The following LAMA1 variants were observed in gnomAD, a reference collection of about 807,000 sequenced individuals.
The protein encoded by LAMA1 is laminin subunit alpha-1.
Under a neutral mutation model 348.7 loss-of-function variants are expected in LAMA1, and 219 were observed. The ratio of observed to expected loss-of-function variants is 0.63; its 90% CI spans 0.56 to 0.70. LAMA1 has a LOEUF of 0.70. LAMA1 is among the 30% of genes least tolerant of loss of function. The pLI, the probability that LAMA1 is intolerant of heterozygous loss-of-function variation, is 0.00. For missense variants in LAMA1, 3,744 were observed against 3,888.0 expected (o/e 0.96, Z 0.99); for synonymous variants, 1,487 against 1,491.0 (o/e 1.00, Z 0.06).
At chr18:7,023,600 C>A (rs1023416968) in intron 18 of LAMA1, among the ~76,000 whole-genome samples, 1 of 152,038 alleles carries the variant, frequency 6.6e-6, no homozygotes, top group Non-Finnish European at 1.5e-5. Context: ...GGGACATGCA[C>A]CTGTTTCCAG....
At chr18:6,954,989 T>C (rs2057568478) in intron 57 of LAMA1, 1 of 351,016 alleles carries the variant, frequency 2.8e-6, no homozygotes, top group East Asian at 7.4e-5. Context: ...GTGTAAGAGT[T>C]TGGGTAGACA....
At chr18:7,109,090 G>A (rs2058325638) in intron 1 of LAMA1, among the ~76,000 whole-genome samples, 1 of 152,168 alleles carries the variant, frequency 6.6e-6, no homozygotes, top group Non-Finnish European at 1.5e-5. Context: ...ACAGATTTTG[G>A]TTCCTACCCA....
At position 6,961,751 on chromosome 18, in the gene LAMA1, C is replaced by T. The variant is rs748849992; in HGVS notation, c.7461G>A (p.Arg2487=). 9 of 1,614,008 alleles carry T rather than the reference C, an allele frequency of 5.6e-6. No individual in the cohort carries two copies. In the Admixed American group the frequency reaches 1.5e-4, roughly 27 times the overall value. Residue 2487 remains arginine, a synonymous_variant, in exon 53 of 63, where the codon CGG becomes CGA. Coordinates refer to ENST00000389658, the MANE Select transcript of LAMA1 (RefSeq NM_005559.4). ...VRKGCLLEPI[R]SVSFLKGGYI... is the part of the protein sequence containing the mutation. ...AGCCGCCTTTCAGGAAGCTAACACT[C>T]CGGATGGGCTGGACACAGAGGAGAT...
At chr18:6,995,316 G>A in intron 34 of LAMA1, 41 bp downstream of exon 34, 3 of 1,375,594 alleles carry the variant, frequency 2.2e-6, no homozygotes, top group African/African-American at 1.4e-5. Flanking sequence ...GCTGATGGGA[G>A]GGACCAGGAG....
intron 29 of LAMA1, among the ~76,000 whole-genome samples, chr18:7,004,973 G>A (rs1374163880): frequency 2.6e-5 from 4 of 152,188 alleles, no homozygotes; most frequent in Non-Finnish European, 5.9e-5. Context: ...ACCCTGTCCA[G>A]GCTGGGCCAT....
chr18:7,007,394 C>T (rs752427530), intron 28 of LAMA1, 118 bp from the exon 29 acceptor site: 24 of 935,184 alleles, frequency 2.6e-5, no homozygotes, highest in Non-Finnish European at 3.3e-5. Flanking sequence ...AAAAGAAGTT[C>T]GACATCTCTA....
At chr18:7,009,458 C>G (rs567589790) in intron 26 of LAMA1, 92 bp from the exon 27 acceptor site, 1 of 1,404,942 alleles carries the variant, frequency 7.1e-7, no homozygotes, top group South Asian at 1.2e-5. Context: ...ATAAATTTCT[C>G]CAGAAATGAG....
rs369292973 is a variant in LAMA1 at position 6,981,160 on chromosome 18, A to C, written c.5891-523T>G. Reference sequence around the variant, plus strand: ...TCTAGCTTGCTCGATCATTTTCTCTACTTTGCTTGTTGACTTTTTCACTAA... The same window carrying C: ...TCTAGCTTGCTCGATCATTTTCTCTCCTTTGCTTGTTGACTTTTTCACTAA... On this transcript the variant is annotated intron_variant, in intron 41 of 62. Coordinates refer to ENST00000389658, the MANE Select transcript of LAMA1 (RefSeq NM_005559.4). 3.3e-5 allele frequency among the ~76,000 whole-genome samples: 5 copies of C among 152,150 alleles called. No homozygotes were observed. In the East Asian group the frequency reaches 5.8e-4, roughly 18 times the overall value.
intron 19 of LAMA1, 46 bp from the exon 20 acceptor site, chr18:7,017,430 T>G: frequency 7.3e-7 from 1 of 1,370,252 alleles, no homozygotes; most frequent in Non-Finnish European, 1.0e-6. Context: ...CTTCTGAGGA[T>G]GGTTATCATA....
chr18:7,009,149 T>G, intron 27 of LAMA1, 90 bp downstream of exon 27: 1 of 1,371,304 alleles, frequency 7.3e-7, no homozygotes, highest in South Asian at 1.2e-5. Flanking sequence ...TTAATAAAAA[T>G]AGTAGGTAAT....
chr18:7,068,353 C>T (rs2058131917), intron 3 of LAMA1, among the ~76,000 whole-genome samples: 1 of 152,256 alleles, frequency 6.6e-6, no homozygotes, highest in South Asian at 2.1e-4. Context: ...ACTGAAGGAA[C>T]CGCCCATGTG....
At chr18:7,074,320 C>T (rs902436738) in intron 3 of LAMA1, among the ~76,000 whole-genome samples, 11 of 152,130 alleles carry the variant, frequency 7.2e-5, no homozygotes, top group African/African-American at 2.2e-4. Flanking sequence ...TGAATAATGA[C>T]GATGAACATC....
intron 1 of LAMA1, among the ~76,000 whole-genome samples, chr18:7,097,242 T>A (rs1004499396): frequency 1.3e-4 from 20 of 149,494 alleles, no homozygotes; most frequent in African/African-American, 4.7e-4. Flanking sequence ...ACCAGGCTTC[T>A]TTATTCAAAA....
chr18:7,098,422 G>A (rs1369706048), intron 1 of LAMA1, among the ~76,000 whole-genome samples: 1 of 151,490 alleles, frequency 6.6e-6, no homozygotes, highest in South Asian at 2.1e-4. Flanking sequence ...CTTCCCGGCC[G>A]CCATCACATC....
At chr18:7,092,329 T>C (rs1171520516) in intron 1 of LAMA1, among the ~76,000 whole-genome samples, 1 of 152,210 alleles carries the variant, frequency 6.6e-6, no homozygotes, top group Non-Finnish European at 1.5e-5. Flanking sequence ...TGAGAAGCTG[T>C]TCCTTTTAAT....
rs559977808 is a variant in LAMA1, at chr18:7,088,575, C to G, written c.62-8118G>C. The stretch of plus-strand genomic sequence containing the variant: ...TTCTGTTGCTCAGGCTGGAGTGCAG[C>G]GGTGCAATCACAGCTCACTGCCACC... On this transcript the variant is annotated intron_variant, in intron 1 of 62. Transcript: ENST00000389658. Among the ~76,000 whole-genome samples the G allele has an allele frequency of 1.2e-4, 19 of 152,044 alleles. 1 individual carries two copies. The South Asian group carries it at 4.0e-3, about 32-fold the overall frequency.
At position 6,965,353 on chromosome 18, in the gene LAMA1, A is replaced by G; in HGVS notation, c.7130T>C (p.Leu2377Ser). 1 of 1,614,208 alleles carries G rather than the reference A, an allele frequency of 6.2e-7. No homozygotes were observed. The highest frequency in any genetic ancestry group is 8.5e-7 in the Non-Finnish European group (1 of 1,180,026). The change falls in exon 50 of 63, where the codon TTG becomes TCG. Residue 2377 changes from leucine to serine, a missense_variant. This residue lies in a region of LAMA1 where 1,983 missense variants were observed against 1,934.3 expected (regional missense o/e 1.03). Transcript: ENST00000389658. Reference protein sequence around the residue: ...TDLGSGPITLLTDRRYNNGTW... With the variant: ...TDLGSGPITLSTDRRYNNGTW... ...TCCATTGTTATAACGTCTGTCTGTC[A>G]AAAGGGTAATGGGTCCTGAACCCAG... is the stretch of plus-strand genomic sequence containing the variant.
intron 61 of LAMA1, among the ~76,000 whole-genome samples, chr18:6,946,351 T>G (rs543984913): frequency 3.2e-4 from 48 of 152,254 alleles, no homozygotes; most frequent in African/African-American, 1.1e-3. Flanking sequence ...AGTGGTTGCC[T>G]AGGATTAGGG....
At chr18:7,094,401 TG>T (rs1451581414) in intron 1 of LAMA1, among the ~76,000 whole-genome samples, 42 of 138,672 alleles carry the variant, frequency 3.0e-4, no homozygotes, top group Non-Finnish European at 5.6e-4. Flanking sequence ...CACTCCAGCT[TG>T]GGTGACAGAG....
Sources: gnomAD v4.1 joint callset for allele counts (sites outside exome capture counted in the v4.1 genomes callset) on GRCh38, gnomAD v4.1.1 for gene constraint, gnomAD v4.1.1 regional missense constraint, MANE v1.5 for transcripts, NCBI Gene and HGNC (gene_info 2026-07-23, HGNC 2026-07-21) for gene names.